CPQ: variants seen among roughly 807,000 people sequenced by gnomAD.
CPQ encodes Ser-Met dipeptidase.
Under a neutral mutation model 45.7 loss-of-function variants are expected in CPQ, and 37 were observed. The ratio of observed to expected loss-of-function variants is 0.81; its 90% CI spans 0.62 to 1.07. CPQ has a LOEUF of 1.07. Ranked by LOEUF, CPQ falls within the 50% of genes least tolerant of loss-of-function variation. The pLI is 0.00. For synonymous variants in CPQ, 186 were observed against 205.8 expected (o/e 0.90, Z 0.82); for missense variants, 537 against 572.9 (o/e 0.94, Z 0.64).
chr8:96,910,969 C>A (rs1195182640), intron 4 of CPQ, among the ~76,000 whole-genome samples: 1 of 151,664 alleles, frequency 6.6e-6, no homozygotes, highest in African/African-American at 2.4e-5. Flanking sequence ...CTTACTGTTA[C>A]ACCAGTACAT....
intron 4 of CPQ, among the ~76,000 whole-genome samples, chr8:96,891,600 A>C (rs1249620830): frequency 6.6e-6 from 1 of 152,218 alleles, no homozygotes; most frequent in African/African-American, 2.4e-5. Flanking sequence ...CCACTTGATT[A>C]TTAAAATCCC....
rs1398859860 is a variant in CPQ, at chr8:96,979,198, G to A, written c.961+13152G>A. Among the ~76,000 whole-genome samples, 4 of 152,174 alleles carry A rather than the reference G, an allele frequency of 2.6e-5. No homozygotes were observed. The East Asian group carries it at 7.7e-4, about 29-fold the overall frequency. On this transcript the variant is annotated intron_variant, in intron 5 of 7. Transcript: ENST00000220763. ...TGAGAGTTTGTGAAGGGTACTGGATGCAAAGCTAAAGGTTGGAGTTGGTGC... is the reference window on the plus strand; with the variant it reads ...TGAGAGTTTGTGAAGGGTACTGGATACAAAGCTAAAGGTTGGAGTTGGTGC...
chr8:96,961,162 C>G (rs1449315894), intron 4 of CPQ, among the ~76,000 whole-genome samples: 1 of 152,130 alleles, frequency 6.6e-6, no homozygotes, highest in African/African-American at 2.4e-5. Context: ...CTGCTTCTAC[C>G]AGGAGTGGAT....
At chr8:97,058,093 A>T (rs1042554817) in intron 6 of CPQ, among the ~76,000 whole-genome samples, 1 of 152,172 alleles carries the variant, frequency 6.6e-6, no homozygotes, top group African/African-American at 2.4e-5. Flanking sequence ...AATAAGGCAT[A>T]TGGGGATACT....
chr8:96,888,982 C>G (rs1332425231), intron 4 of CPQ, among the ~76,000 whole-genome samples: 5 of 152,104 alleles, frequency 3.3e-5, no homozygotes, highest in African/African-American at 1.2e-4. Context: ...TGCATCCTGT[C>G]TCTTATATTT....
chr8:96,971,641 A>C (rs1322629205), intron 5 of CPQ, among the ~76,000 whole-genome samples: 2 of 152,206 alleles, frequency 1.3e-5, no homozygotes, highest in East Asian at 3.9e-4. Flanking sequence ...ATGTTTAGTG[A>C]ATAATACATC....
At chr8:96,717,097 ACACAC>A (rs1302525366) in intron 1 of CPQ, among the ~76,000 whole-genome samples, 1 of 138,444 alleles carries the variant, frequency 7.2e-6, no homozygotes, top group African/African-American at 2.7e-5. Context: ...ACACACACAC[ACACAC>A]CACATTTTCT....
At chr8:96,952,178 G>GA (rs1272104063) in intron 4 of CPQ, among the ~76,000 whole-genome samples, 7 of 152,116 alleles carry the variant, frequency 4.6e-5, no homozygotes, top group South Asian at 2.1e-4. Context: ...TCATGCATTA[G>GA]AAAAAAAGCA....
At chr8:96,916,138 A>G (rs1159868848) in intron 4 of CPQ, among the ~76,000 whole-genome samples, 1 of 152,164 alleles carries the variant, frequency 6.6e-6, no homozygotes, top group Non-Finnish European at 1.5e-5. Flanking sequence ...GCTTCACTTT[A>G]GAGTATGCGA....
intron 2 of CPQ, among the ~76,000 whole-genome samples, chr8:96,834,539 T>G (rs1018394028): frequency 6.7e-6 from 1 of 149,938 alleles, no homozygotes; most frequent in African/African-American, 2.4e-5. Flanking sequence ...TGTTGTAGGT[T>G]GTTTAGCAAC....
intron 4 of CPQ, among the ~76,000 whole-genome samples, chr8:96,920,778 A>G (rs1332985314): frequency 6.6e-6 from 1 of 152,138 alleles, no homozygotes; most frequent in African/African-American, 2.4e-5. Context: ...CCACCTTGTG[A>G]AGAGACAGAG....
rs564473378 is a variant in CPQ at position 96,809,341 on chromosome 8, T to C, written c.433+24011T>C. Among the ~76,000 whole-genome samples the C allele has an allele frequency of 2.6e-5, 4 of 152,288 alleles. No individual in the cohort carries two copies. The East Asian group carries it at 7.7e-4, about 29-fold the overall frequency. On this transcript the variant is annotated intron_variant, in intron 2 of 7. Transcript: ENST00000220763. ...GCTAAAAACTGGCAACAATTTCTTA[T>C]GTTGATCACCTGCTGAATGAGTAAA...
chr8:97,033,246 T>G (rs1809939695), intron 6 of CPQ, among the ~76,000 whole-genome samples: 2 of 152,114 alleles, frequency 1.3e-5, no homozygotes, highest in South Asian at 2.1e-4. Flanking sequence ...TATGATACAG[T>G]TATGGTTATT....
intron 1 of CPQ, among the ~76,000 whole-genome samples, chr8:96,709,438 T>C (rs1201555024): frequency 6.6e-6 from 1 of 152,154 alleles, no homozygotes; most frequent in Non-Finnish European, 1.5e-5. Context: ...TCATTCCTTT[T>C]TATGGCTGAG....
intron 3 of CPQ, among the ~76,000 whole-genome samples, chr8:96,874,927 G>A (rs1024885086): frequency 6.6e-6 from 1 of 151,842 alleles, no homozygotes; most frequent in African/African-American, 2.4e-5. Context: ...TTGTTTTCCA[G>A]AGTAACTATG....
chr8:96,717,029 ATATATAT>A (rs1809685599), intron 1 of CPQ, among the ~76,000 whole-genome samples: 5 of 12,804 alleles, frequency 3.9e-4, no homozygotes, highest in African/African-American at 6.2e-4. Flanking sequence ...ATATAAATAT[ATATATAT>A]ATATATATAT....
At chr8:96,864,096 G>A (rs1811965228) in intron 3 of CPQ, among the ~76,000 whole-genome samples, 1 of 152,040 alleles carries the variant, frequency 6.6e-6, no homozygotes, top group Non-Finnish European at 1.5e-5. Context: ...GCTGGAAGAA[G>A]AATGATATTG....
At chr8:97,084,236 A>C (rs1811003060) in intron 7 of CPQ, among the ~76,000 whole-genome samples, 1 of 152,146 alleles carries the variant, frequency 6.6e-6, no homozygotes, top group Non-Finnish European at 1.5e-5. Flanking sequence ...AAGTGAAGGA[A>C]CATATTTCCT....
Position 97,042,322 on chromosome 8 carries a change from G to A in CPQ, c.1053+12828G>A, listed in dbSNP as rs1260385495. 2.2e-3 allele frequency among the ~76,000 whole-genome samples: 328 copies of A among 151,776 alleles called. 1 individual carries two copies. Among genetic ancestry groups the A allele is most frequent in the African/African-American group, 7.1e-3 (293 of 41,356 alleles). On this transcript the variant is annotated intron_variant, in intron 6 of 7. Transcript: ENST00000220763. ...TGGTAGTTTGTATTTCTGTGGGATCGGTGGTGATATCCCCTTTATCATTTT... is the reference window on the plus strand; with the variant it reads ...TGGTAGTTTGTATTTCTGTGGGATCAGTGGTGATATCCCCTTTATCATTTT...
Sources: gnomAD v4.1 joint callset for allele counts (sites outside exome capture counted in the v4.1 genomes callset) on GRCh38, gnomAD v4.1.1 for gene constraint, MANE v1.5 for transcripts, NCBI Gene and HGNC (gene_info 2026-07-23, HGNC 2026-07-21) for gene names.